RASEF: variants seen among roughly 807,000 people sequenced by gnomAD.
RASEF encodes the protein ras and EF-hand domain-containing protein.
A neutral mutation model predicts 90.1 loss-of-function variants in RASEF; 68 were observed. The ratio of observed to expected loss-of-function variants is 0.75; its 90% CI spans 0.62 to 0.92. RASEF has a LOEUF of 0.92. Among genes scored for constraint, RASEF ranks in the 40% least tolerant of loss-of-function variants. The pLI, the probability that RASEF is intolerant of heterozygous loss-of-function variation, is 0.00. For missense variants in RASEF, 949 were observed against 937.2 expected, an observed-to-expected ratio of 1.01 and a Z score of -0.16; for synonymous variants, 331 against 345.2, an observed-to-expected ratio of 0.96 and a Z score of 0.46.
chr9:83,181,156 A>G, the RASEF span, among the ~76,000 whole-genome samples: 3 of 149,790 alleles, frequency 2.0e-5, no homozygotes, highest in Non-Finnish European at 4.4e-5. Context: ...ATCAGGAGGT[A>G]TATGTCCAGA....
At chr9:83,032,513 C>A (rs945636042) in intron 1 of RASEF, among the ~76,000 whole-genome samples, 1 of 152,176 alleles carries the variant, frequency 6.6e-6, no homozygotes, top group East Asian at 1.9e-4. Context: ...GAGAGAGCAA[C>A]CAACACTAAT....
chr9:83,069,204 G>A, the RASEF span, among the ~76,000 whole-genome samples: 4 of 152,170 alleles, frequency 2.6e-5, no homozygotes, highest in South Asian at 8.3e-4. Flanking sequence ...ACGATAAAAT[G>A]CACCAATTTT....
the RASEF span, among the ~76,000 whole-genome samples, chr9:83,123,301 G>A: frequency 6.7e-6 from 1 of 150,126 alleles, no homozygotes; most frequent in Admixed American, 6.6e-5. Context: ...CCCTCCCAAG[G>A]TCATGCCTAT....
chr9:83,023,120 G>A (rs1485633165), intron 2 of RASEF, among the ~76,000 whole-genome samples: 1 of 151,926 alleles, frequency 6.6e-6, no homozygotes, highest in Non-Finnish European at 1.5e-5. Flanking sequence ...AGAACTCTGT[G>A]GCAAAGTGAT....
At chr9:83,102,044 A>C in the RASEF span, among the ~76,000 whole-genome samples, 1 of 151,630 alleles carries the variant, frequency 6.6e-6, no homozygotes, top group Non-Finnish European at 1.5e-5. Context: ...AACAAAAAGC[A>C]CAAAATGTGA....
chr9:83,191,689 T>C, the RASEF span, among the ~76,000 whole-genome samples: 1 of 152,218 alleles, frequency 6.6e-6, no homozygotes, highest in African/African-American at 2.4e-5. Context: ...TGACCATTTT[T>C]TTGGTTTGAG....
chr9:83,164,163 G>A, the RASEF span, among the ~76,000 whole-genome samples: 1 of 150,636 alleles, frequency 6.6e-6, no homozygotes, highest in Non-Finnish European at 1.5e-5. Context: ...ATAGAGAGAA[G>A]GAAAATTGTA....
chr9:83,107,433 T>C, the RASEF span, among the ~76,000 whole-genome samples: 4 of 152,214 alleles, frequency 2.6e-5, no homozygotes, highest in African/African-American at 9.6e-5. Flanking sequence ...AAAGGCTCCT[T>C]CGACTTCACA....
the RASEF span, among the ~76,000 whole-genome samples, chr9:83,151,103 G>GTT: frequency 2.2e-5 from 3 of 134,104 alleles, no homozygotes; most frequent in Non-Finnish European, 4.6e-5. Context: ...ATCAAAAGTT[G>GTT]TTTTTTTTTT....
the RASEF span, among the ~76,000 whole-genome samples, chr9:83,090,992 C>G: frequency 5.9e-5 from 9 of 152,086 alleles, no homozygotes; most frequent in African/African-American, 1.2e-4. Context: ...ACTAATTGGA[C>G]AGAATGTGCC....
chr9:82,992,885 C>A (rs761200160), intron 15 of RASEF, 21 bp downstream of exon 15: 8 of 1,611,944 alleles, frequency 5.0e-6, no homozygotes, highest in African/African-American at 2.7e-5. Context: ...TCTTCTAATT[C>A]TGAGGCATCC....
chr9:83,182,852 G>A, the RASEF span, among the ~76,000 whole-genome samples: 3 of 151,728 alleles, frequency 2.0e-5, no homozygotes, highest in Non-Finnish European at 2.9e-5. Flanking sequence ...TCCATATCAT[G>A]GAATGTGCCA....
chr9:83,134,186 C>A, the RASEF span, among the ~76,000 whole-genome samples: 1 of 152,092 alleles, frequency 6.6e-6, no homozygotes. Context: ...TCTTCTCTCC[C>A]TCCCTACTCT....
the RASEF span, among the ~76,000 whole-genome samples, chr9:83,148,603 T>C: frequency 0.026 from 3,899 of 152,304 alleles, 176 homozygotes; most frequent in African/African-American, 0.089. Context: ...GCCCCTGGAA[T>C]TGTGTGACAA....
chr9:83,034,293 T>C (rs967952394), intron 1 of RASEF, among the ~76,000 whole-genome samples: 3 of 152,188 alleles, frequency 2.0e-5, no homozygotes, highest in African/African-American at 7.2e-5. Flanking sequence ...AAAGACAACC[T>C]GGTCCAGGGG....
intron 3 of RASEF, 47 bp from the exon 4 acceptor site, chr9:83,015,947 T>C: frequency 7.0e-7 from 1 of 1,430,662 alleles, no homozygotes; most frequent in Non-Finnish European, 9.8e-7. Flanking sequence ...GTTCACCCTC[T>C]TAACCTTCAA....
chr9:83,006,477 A>G (rs1587488839), intron 7 of RASEF, among the ~76,000 whole-genome samples: 1 of 152,130 alleles, frequency 6.6e-6, no homozygotes, highest in East Asian at 1.9e-4. Flanking sequence ...CAACTGCCAC[A>G]GGTGAGACTT....
At chr9:82,982,805 C>CAGAGAGAGAGAGAG in intron 16 of RASEF, 23 bp from the exon 17 acceptor site, 1 of 915,882 alleles carries the variant, frequency 1.1e-6, no homozygotes, top group African/African-American at 1.8e-5. Context: ...TAGAGAGAGA[C>CAGAGAGAGAGAGAG]AGAGAGAGAG....
chr9:83,093,931 A>G, the RASEF span, among the ~76,000 whole-genome samples: 2 of 152,242 alleles, frequency 1.3e-5, no homozygotes, highest in Non-Finnish European at 2.9e-5. Context: ...ATGTTAGTTG[A>G]AAGTCCCATA....
Sources: allele counts gnomAD v4.1 joint callset (sites outside exome capture counted in the v4.1 genomes callset), GRCh38; gene constraint gnomAD v4.1.1; transcripts MANE v1.5; gene names NCBI Gene and HGNC (gene_info 2026-07-23, HGNC 2026-07-21).